The following RBFOX1 variants were observed in gnomAD, a reference collection of about 807,000 sequenced individuals.
The protein encoded by RBFOX1 is RNA binding protein fox-1 homolog 1.
A neutral mutation model predicts 57.7 loss-of-function variants in RBFOX1; 8 were observed. The ratio of observed to expected loss-of-function variants is 0.14; its 90% CI spans 0.08 to 0.25. The LOEUF (loss-of-function observed/expected upper bound fraction) is 0.25. Among genes scored for constraint, RBFOX1 ranks in the 10% least tolerant of loss-of-function variants. The probability of loss-of-function intolerance (pLI) is 1.00; values close to 1 mark genes in which losing one functional copy is unlikely to be tolerated. For synonymous variants in RBFOX1, 326 were observed against 222.4 expected (o/e 1.47, Z -4.15); for missense variants, 611 against 548.5 (o/e 1.11, Z -1.14).
chr16:6,547,302 C>G (rs887805597), intron 2 of RBFOX1, among the ~76,000 whole-genome samples: 2 of 152,120 alleles, frequency 1.3e-5, no homozygotes, highest in African/African-American at 4.8e-5. Context: ...TAATCACATT[C>G]CCAACAAATT....
chr16:7,004,977 C>G (rs1004692647), intron 3 of RBFOX1, among the ~76,000 whole-genome samples: 2 of 152,128 alleles, frequency 1.3e-5, no homozygotes, highest in Non-Finnish European at 2.9e-5. Context: ...AACCCCATTT[C>G]TACCAAAAAT....
At chr16:5,546,949 A>G (rs1038074180) in intron 2 of RBFOX1, among the ~76,000 whole-genome samples, 1 of 152,252 alleles carries the variant, frequency 6.6e-6, no homozygotes, top group Admixed American at 6.5e-5. Context: ...AAATATTTGA[A>G]CAGACATTTT....
At chr16:6,824,587 A>C (rs1434648519) in intron 3 of RBFOX1, among the ~76,000 whole-genome samples, 1 of 152,222 alleles carries the variant, frequency 6.6e-6, no homozygotes, top group Non-Finnish European at 1.5e-5. Flanking sequence ...ACAAGTCTGT[A>C]AGTTAAAGGT....
At chr16:6,002,896 A>T (rs1480007964) in intron 4 of RBFOX1, among the ~76,000 whole-genome samples, 1 of 152,186 alleles carries the variant, frequency 6.6e-6, no homozygotes, top group African/African-American at 2.4e-5. Context: ...TGCACTCTAC[A>T]CATACTTCCA....
At chr16:5,405,878 GAGTGATCCA>G (rs1351768356) in intron 1 of RBFOX1, among the ~76,000 whole-genome samples, 13 of 152,238 alleles carry the variant, frequency 8.5e-5, no homozygotes, top group African/African-American at 3.1e-4. Flanking sequence ...AGTGAGGGCA[GAGTGATCCA>G]AGTCATCTCC....
chr16:5,860,816 A>T (rs968423507), intron 3 of RBFOX1, among the ~76,000 whole-genome samples: 1 of 152,162 alleles, frequency 6.6e-6, no homozygotes, highest in African/African-American at 2.4e-5. Flanking sequence ...CCTCTTGTAG[A>T]TACTGGGAGG....
chr16:6,490,958 G>C (rs1373922306), intron 2 of RBFOX1, among the ~76,000 whole-genome samples: 1 of 152,006 alleles, frequency 6.6e-6, no homozygotes, highest in African/African-American at 2.4e-5. Context: ...TCTAAGTGTT[G>C]GTTCAGGAAA....
rs1236284856 is a variant in RBFOX1, at chr16:5,724,022, A to AT, written c.318+125061_318+125062insT. 3.1e-4 allele frequency among the ~76,000 whole-genome samples: 36 copies of AT among 114,850 alleles called. No homozygotes were observed. In the East Asian group the frequency reaches 0.017, roughly 53 times the overall value. The allele number at this position is 114,850 out of a possible 152,430, so 75.3% of individuals were successfully genotyped here. A position where few individuals can be genotyped will look rare whatever the true frequency, so the allele number is the denominator to read the frequency against. On this transcript the variant is annotated intron_variant, in intron 3 of 19. Transcript: ENST00000641259. Reference sequence around the variant, plus strand: ...TCGGTGTATAGCTCCCTATGTTAGCAAACCATTTGTGTGTCCGTGTGTGTG... The same window carrying AT: ...TCGGTGTATAGCTCCCTATGTTAGCATAACCATTTGTGTGTCCGTGTGTGTG...
intron 2 of RBFOX1, among the ~76,000 whole-genome samples, chr16:5,525,803 C>T (rs1383692168): frequency 6.6e-6 from 1 of 152,032 alleles, no homozygotes; most frequent in Non-Finnish European, 1.5e-5. Flanking sequence ...CAGCCTAGAG[C>T]CCACAGTCTT....
intron 4 of RBFOX1, among the ~76,000 whole-genome samples, chr16:7,428,022 T>C (rs1028713848): frequency 6.6e-6 from 1 of 152,178 alleles, no homozygotes; most frequent in African/African-American, 2.4e-5. Flanking sequence ...TCCCTCCTAT[T>C]TGCTCATCCT....
At chr16:6,831,759 A>T (rs1302809500) in intron 3 of RBFOX1, among the ~76,000 whole-genome samples, 1 of 152,156 alleles carries the variant, frequency 6.6e-6, no homozygotes, top group Non-Finnish European at 1.5e-5. Context: ...GCAATTATTT[A>T]TTCCATTTCC....
intron 4 of RBFOX1, among the ~76,000 whole-genome samples, chr16:7,369,566 C>G (rs2097530548): frequency 6.6e-6 from 1 of 152,140 alleles, no homozygotes; most frequent in Non-Finnish European, 1.5e-5. Flanking sequence ...ACATAATTAA[C>G]ATATGGTTAT....
At chr16:6,251,058 A>T (rs1033039042) in intron 1 of RBFOX1, among the ~76,000 whole-genome samples, 2 of 152,106 alleles carry the variant, frequency 1.3e-5, no homozygotes, top group Non-Finnish European at 2.9e-5. Context: ...GAAGTTTGCA[A>T]ACAGCAGTAC....
intron 10 of RBFOX1, 87 bp downstream of exon 10, chr16:7,607,425 C>G: frequency 7.8e-7 from 1 of 1,285,540 alleles, no homozygotes; most frequent in East Asian, 2.3e-5. Context: ...TGTAAAATAA[C>G]CTGAAGCAAG....
intron 1 of RBFOX1, among the ~76,000 whole-genome samples, chr16:5,351,378 G>A (rs1304263383): frequency 6.6e-6 from 1 of 152,170 alleles, no homozygotes; most frequent in African/African-American, 2.4e-5. Context: ...AGGAAAGTGA[G>A]GCTTGGAATA....
intron 1 of RBFOX1, among the ~76,000 whole-genome samples, chr16:5,243,026 C>T (rs1445532224): frequency 6.6e-6 from 1 of 150,934 alleles, no homozygotes; most frequent in Admixed American, 6.6e-5. Flanking sequence ...TGATTTCCTG[C>T]CAATATCAGA....
intron 3 of RBFOX1, among the ~76,000 whole-genome samples, chr16:5,632,821 T>G (rs528198565): frequency 6.6e-6 from 1 of 152,286 alleles, no homozygotes; most frequent in South Asian, 2.1e-4. Context: ...CTCTTCCATA[T>G]AAGCTGGGAG....
chr16:7,286,743 C>T (rs2095659066), intron 4 of RBFOX1, among the ~76,000 whole-genome samples: 1 of 151,702 alleles, frequency 6.6e-6, no homozygotes, highest in Non-Finnish European at 1.5e-5. Flanking sequence ...CCCGCCTCAG[C>T]CTCCCGAGTA....
chr16:7,538,848 C>G (rs1185867541), intron 5 of RBFOX1, among the ~76,000 whole-genome samples: 1 of 142,288 alleles, frequency 7.0e-6, no homozygotes, highest in East Asian at 2.1e-4. Context: ...TCCTCCCCCG[C>G]ACCCCCACCC....
Sources: allele counts gnomAD v4.1 joint callset (sites outside exome capture counted in the v4.1 genomes callset), GRCh38; gene constraint gnomAD v4.1.1; transcripts MANE v1.5; gene names NCBI Gene and HGNC (gene_info 2026-07-23, HGNC 2026-07-21).